Variants in LEP observed in about 807,000 individuals in gnomAD.
LEP encodes leptin, also known as leptin (murine obesity homolog).
LEP carries 6 observed loss-of-function variants against 9.8 expected under a neutral mutation model. The observed-to-expected ratio is 0.61, with a 90% CI of 0.34 to 1.21. The LOEUF (loss-of-function observed/expected upper bound fraction) is 1.21, where lower values mean the gene tolerates loss of function less well. Among genes scored for constraint, LEP ranks in the 50% most tolerant of loss-of-function variants. LEP has a pLI of 0.04. For synonymous variants in LEP, 112 were observed against 81.7 expected (o/e 1.37, Z -2.00); for missense variants, 134 against 198.1 (o/e 0.68, Z 1.94).
intron 1 of LEP, among the ~76,000 whole-genome samples, chr7:128,248,556 C>T (rs759746898): frequency 1.4e-4 from 21 of 152,066 alleles, no homozygotes; most frequent in Admixed American, 1.3e-4. Flanking sequence ...GCTGAGATCA[C>T]AACACTGCAC....
intron 1 of LEP, among the ~76,000 whole-genome samples, chr7:128,250,769 A>G (rs28954101): frequency 0.054 from 8,234 of 152,230 alleles, 255 homozygotes; most frequent in Non-Finnish European, 0.064. Context: ...CGAAAAGCGG[A>G]GATTAATTTT....
intron 1 of LEP, among the ~76,000 whole-genome samples, chr7:128,250,298 G>T (rs756977225): frequency 2.0e-5 from 3 of 152,172 alleles, no homozygotes; most frequent in Non-Finnish European, 4.4e-5. Flanking sequence ...ACATAAATTT[G>T]CCTTTTCCCA....
chr7:128,250,296 T>C (rs1795259261), intron 1 of LEP, among the ~76,000 whole-genome samples: 1 of 152,220 alleles, frequency 6.6e-6, no homozygotes, highest in South Asian at 2.1e-4. Context: ...AGACATAAAT[T>C]TGCCTTTTCC....
chr7:128,254,390 T>C lies in LEP; in HGVS notation c.145-14T>C. 6.2e-7 allele frequency: 1 copy of C among 1,612,052 alleles called. No homozygotes were observed. Among genetic ancestry groups the C allele is most frequent in the Non-Finnish European group, 8.5e-7 (1 of 1,180,016 alleles). Reference sequence around the variant, plus strand: ...ACATGCTGAGCACTTGTTCTCCCTCTTCCTCCTGCATAGCAGTCAGTCTCC... The same window carrying C: ...ACATGCTGAGCACTTGTTCTCCCTCCTCCTCCTGCATAGCAGTCAGTCTCC... On this transcript the variant is annotated splice_polypyrimidine_tract_variant and intron_variant, in intron 2 of 2. Transcript: ENST00000308868.
chr7:128,257,341 T>TG lies in LEP; in HGVS notation c.*2584dup, dbSNP rs1308862042. 6.7e-6 allele frequency: 1 copy of TG among 149,484 alleles called. No individual in the cohort carries two copies. The highest frequency in any genetic ancestry group is 1.5e-5 in the Non-Finnish European group (1 of 67,498). The allele number at this position is 149,484 out of a possible 1,614,324, so 9.3% of individuals were successfully genotyped here. On this transcript the variant is annotated 3_prime_UTR_variant, in exon 3 of 3. Coordinates refer to ENST00000308868, the MANE Select transcript of LEP (RefSeq NM_000230.3). ...ATCCCAGCACTTTGGGAGGCCAAGG[T>TG]GGGGGGATCACAAGGTCACTAGATG...
chr7:128,254,914 C>A lies in LEP; in HGVS notation c.*151C>A. The stretch of plus-strand genomic sequence containing the variant: ...CTCCTCTAAGCCACTCTTCCAAAGG[C>A]ATAAGACCCTAAGCCTCCTTTTGCT... On this transcript the variant is annotated 3_prime_UTR_variant, in exon 3 of 3. Coordinates refer to ENST00000308868, the MANE Select transcript of LEP (RefSeq NM_000230.3). The A allele has an allele frequency of 1.2e-6, 1 of 829,476 alleles. No individual in the cohort carries two copies. Among genetic ancestry groups the A allele is most frequent in the South Asian group, 1.5e-5 (1 of 68,444 alleles). The allele number at this position is 829,476 out of a possible 1,614,324, so 51.4% of individuals were successfully genotyped here.
chr7:128,241,937 T>C (rs561366927), intron 1 of LEP, among the ~76,000 whole-genome samples: 139 of 151,796 alleles, frequency 9.2e-4, no homozygotes, highest in Admixed American at 2.7e-3. Context: ...CAAATTGCCT[T>C]CTTTGCAATG....
intron 1 of LEP, among the ~76,000 whole-genome samples, chr7:128,243,468 A>G (rs1160872887): frequency 6.6e-6 from 1 of 152,152 alleles, no homozygotes; most frequent in Non-Finnish European, 1.5e-5. Flanking sequence ...AGCAGGAGCC[A>G]GGCTCATGAA....
intron 1 of LEP, among the ~76,000 whole-genome samples, chr7:128,245,464 G>T (rs757091551): frequency 6.6e-6 from 1 of 152,124 alleles, no homozygotes; most frequent in Non-Finnish European, 1.5e-5. Context: ...TCCAAACTTC[G>T]CTGCCTTTAT....
intron 1 of LEP, among the ~76,000 whole-genome samples, chr7:128,244,496 G>GA (rs1562930089): frequency 6.6e-6 from 1 of 152,070 alleles, no homozygotes; most frequent in South Asian, 2.1e-4. Flanking sequence ...ATCAACATTT[G>GA]AAAAAAGAGC....
In LEP at chr7:128,255,053, T is replaced by C. The variant is rs199600549; in HGVS notation, c.*290T>C. ...AAGGTCTTCAGCCATCAACAAGAGT[T>C]GTCTTGTCCCCTCTTGACCCATCTC... On this transcript the variant is annotated 3_prime_UTR_variant, in exon 3 of 3. Coordinates refer to ENST00000308868, the MANE Select transcript of LEP (RefSeq NM_000230.3). 2 of 445,606 alleles carry C rather than the reference T, an allele frequency of 4.5e-6. No individual in the cohort carries two copies. The highest frequency in any genetic ancestry group is 8.4e-6 in the Non-Finnish European group (2 of 239,164). The allele number at this position is 445,606 out of a possible 1,614,324, so 27.6% of individuals were successfully genotyped here. A position where few individuals can be genotyped will look rare whatever the true frequency, so the allele number is the denominator to read the frequency against.
chr7:128,248,458 G>C (rs893107317), intron 1 of LEP, among the ~76,000 whole-genome samples: 1 of 151,842 alleles, frequency 6.6e-6, no homozygotes, highest in African/African-American at 2.4e-5. Flanking sequence ...AAATTAGCCA[G>C]GCTGGGTGGT....
chr7:128,254,272 C>T (rs1397175376), intron 2 of LEP, 132 bp from the exon 3 acceptor site: 21 of 1,198,580 alleles, frequency 1.8e-5, no homozygotes, highest in African/African-American at 1.2e-4. Context: ...AGGGCCTGAG[C>T]CAAAGTGGTG....
At chr7:128,243,522 A>T (rs1487420678) in intron 1 of LEP, among the ~76,000 whole-genome samples, 1 of 152,156 alleles carries the variant, frequency 6.6e-6, no homozygotes, top group East Asian at 1.9e-4. Context: ...GTCAAGATGG[A>T]GCACAGCTTA....
At chr7:128,246,935 TGAGG>T (rs569771554) in intron 1 of LEP, among the ~76,000 whole-genome samples, 46 of 152,174 alleles carry the variant, frequency 3.0e-4, no homozygotes, top group Admixed American at 5.9e-4. Flanking sequence ...AAGTGGGCCA[TGAGG>T]GAGACAGCAG....
chr7:128,243,722 C>T (rs879697339), intron 1 of LEP, among the ~76,000 whole-genome samples: 9 of 152,188 alleles, frequency 5.9e-5, no homozygotes, highest in Non-Finnish European at 8.8e-5. Context: ...TGGGAGCAAG[C>T]GAACCATTGA....
At chr7:128,248,867 C>T (rs71578254) in intron 1 of LEP, among the ~76,000 whole-genome samples, 1,915 of 152,228 alleles carry the variant, frequency 0.013, 15 homozygotes, top group Non-Finnish European at 0.018. Context: ...CCACAGTGGG[C>T]GATCAATACA....
Position 128,255,512 on chromosome 7 carries a change from T to C in LEP, c.*749T>C, listed in dbSNP as rs967481128. The C allele has an allele frequency of 2.0e-5, 3 of 152,590 alleles. No individual in the cohort carries two copies. Among genetic ancestry groups the C allele is most frequent in the African/African-American group, 7.2e-5 (3 of 41,460 alleles). 9.5% of individuals were successfully genotyped at this position (152,590 alleles called of 1,614,324 possible). On this transcript the variant is annotated 3_prime_UTR_variant, in exon 3 of 3. Coordinates refer to ENST00000308868, the MANE Select transcript of LEP (RefSeq NM_000230.3). Reference sequence around the variant, plus strand: ...TGATGTTACATCACAGTGTTTGCAATGGTGTTGCCCTGAGTGGATCTCCAA... The same window carrying C: ...TGATGTTACATCACAGTGTTTGCAACGGTGTTGCCCTGAGTGGATCTCCAA...
At chr7:128,249,511 C>T (rs184775528) in intron 1 of LEP, among the ~76,000 whole-genome samples, 8 of 152,336 alleles carry the variant, frequency 5.3e-5, no homozygotes, top group African/African-American at 1.9e-4. Context: ...TGGCACAGGA[C>T]ACTTCTGCTT....
Sources: gnomAD v4.1 joint callset for allele counts (sites outside exome capture counted in the v4.1 genomes callset) on GRCh38, gnomAD v4.1.1 for gene constraint, MANE v1.5 for transcripts, NCBI Gene and HGNC (gene_info 2026-07-23, HGNC 2026-07-21) for gene names.